Variants in CCDC192 observed in about 807,000 individuals in gnomAD.
The protein encoded by CCDC192 is coiled-coil domain-containing protein 192.
chr5:127,762,795 G>T (rs1188757170), intron 3 of CCDC192, among the ~76,000 whole-genome samples: 1 of 152,094 alleles, frequency 6.6e-6, no homozygotes, highest in Non-Finnish European at 1.5e-5. Flanking sequence ...CCTGTATTTT[G>T]TTCATGAGAT....
chr5:127,811,450 GA>G (rs1758077935), intron 5 of CCDC192, among the ~76,000 whole-genome samples: 2 of 152,224 alleles, frequency 1.3e-5, no homozygotes, highest in South Asian at 4.1e-4. Flanking sequence ...AAACTTAAGG[GA>G]TTTTTTTTAG....
chr5:127,814,423 C>A (rs1318974877), intron 5 of CCDC192, among the ~76,000 whole-genome samples: 1 of 151,936 alleles, frequency 6.6e-6, no homozygotes, highest in Non-Finnish European at 1.5e-5. Context: ...AGGAGGTAAC[C>A]AAAGTAACCA....
chr5:127,782,854 G>T (rs575914779), intron 3 of CCDC192, among the ~76,000 whole-genome samples: 4 of 152,006 alleles, frequency 2.6e-5, no homozygotes, highest in African/African-American at 9.6e-5. Flanking sequence ...TGCTGGGTTT[G>T]GGTTTAATTT....
intron 5 of CCDC192, among the ~76,000 whole-genome samples, chr5:127,867,323 A>G (rs1317207778): frequency 4.6e-5 from 7 of 152,236 alleles, no homozygotes; most frequent in African/African-American, 1.7e-4. Context: ...AAAGCAAAGT[A>G]TCTGACCGAT....
chr5:127,786,632 G>A, intron 3 of CCDC192: 1 of 758,776 alleles, frequency 1.3e-6, no homozygotes, highest in Non-Finnish European at 2.5e-6. Context: ...GTCTACTGAG[G>A]TAGGCACAAA....
intron 6 of CCDC192, among the ~76,000 whole-genome samples, chr5:127,899,162 GT>G (rs1752973871): frequency 6.6e-6 from 1 of 152,126 alleles, no homozygotes; most frequent in Non-Finnish European, 1.5e-5. Flanking sequence ...TCTGTTTTGC[GT>G]TTTTGGGGGG....
chr5:127,744,263 G>T (rs1246990992), intron 2 of CCDC192, among the ~76,000 whole-genome samples: 1 of 151,902 alleles, frequency 6.6e-6, no homozygotes, highest in Non-Finnish European at 1.5e-5. Context: ...TGGGTGGTAG[G>T]TTGGGGAGAA....
At chr5:127,929,414 G>A (rs1354268652) in intron 6 of CCDC192, among the ~76,000 whole-genome samples, 2 of 152,160 alleles carry the variant, frequency 1.3e-5, no homozygotes, top group Non-Finnish European at 2.9e-5. Flanking sequence ...GAAAATGAGG[G>A]ATGGGGTGAA....
At chr5:127,717,928 C>CAAAAAAAAAAAAAAAAAAAAAAAAAAA in intron 2 of CCDC192, among the ~76,000 whole-genome samples, 1 of 98,072 alleles carries the variant, frequency 1.0e-5, no homozygotes, top group Non-Finnish European at 2.0e-5. Flanking sequence ...TAAAGCTAGA[C>CAAAAAAAAAAAAAAAAAAAAAAAAAAA]AAAAAAAAAA....
intron 3 of CCDC192, chr5:127,786,532 TGGCC>T (rs1756548394): frequency 3.1e-6 from 2 of 640,856 alleles, no homozygotes; most frequent in Admixed American, 4.6e-5. Flanking sequence ...GTTTATTCAG[TGGCC>T]TAAATGGTCT....
At chr5:127,878,930 T>C (rs887961848) in intron 6 of CCDC192, among the ~76,000 whole-genome samples, 11 of 149,446 alleles carry the variant, frequency 7.4e-5, no homozygotes, top group African/African-American at 2.7e-4. Context: ...ACATCCCTTG[T>C]AAGTAGGATT....
intron 5 of CCDC192, chr5:127,838,553 T>A (rs1750136985): frequency 6.6e-6 from 1 of 152,160 alleles, no homozygotes; most frequent in South Asian, 2.1e-4. Flanking sequence ...GGTGGATGGG[T>A]TGTCAAGAAT....
At chr5:127,759,637 CA>C (rs569995522) in intron 3 of CCDC192, among the ~76,000 whole-genome samples, 25 of 152,334 alleles carry the variant, frequency 1.6e-4, no homozygotes, top group African/African-American at 6.0e-4. Context: ...AGTAGGTTCT[CA>C]AAAACATCTG....
At chr5:127,743,018 G>A (rs1753510456) in intron 2 of CCDC192, among the ~76,000 whole-genome samples, 2 of 151,930 alleles carry the variant, frequency 1.3e-5, no homozygotes, top group African/African-American at 4.8e-5. Context: ...TCTTTTCAGG[G>A]AACGCTGATC....
intron 6 of CCDC192, among the ~76,000 whole-genome samples, chr5:127,898,750 G>A (rs1269275863): frequency 6.6e-6 from 1 of 152,128 alleles, no homozygotes; most frequent in Non-Finnish European, 1.5e-5. Flanking sequence ...GTCCTTCAGT[G>A]AAGGGTGGGG....
intron 3 of CCDC192, chr5:127,786,035 GT>G: frequency 7.9e-6 from 5 of 631,502 alleles, no homozygotes; most frequent in Non-Finnish European, 1.5e-5. Context: ...GTCTCCAGCA[GT>G]TTTTTCAATT....
rs1325548148 is a variant in CCDC192, at chr5:127,941,493, G to A, written c.*25G>A. 2.5e-6 allele frequency: 1 copy of A among 398,856 alleles called. No homozygotes were observed. The highest frequency in any genetic ancestry group is 4.4e-6 in the Non-Finnish European group (1 of 226,046). The allele number at this position is 398,856 out of a possible 1,614,324, so 24.7% of individuals were successfully genotyped here. On this transcript the variant is annotated 3_prime_UTR_variant, in exon 7 of 7. Coordinates refer to ENST00000514853, the MANE Select transcript of CCDC192 (RefSeq NM_001317938.2). ...GATTCCCAATAAGAAAACAATAAAA[G>A]TTTATTAAGTGTCATCCAGGTAAAG...
intron 5 of CCDC192, among the ~76,000 whole-genome samples, chr5:127,875,061 G>A (rs1420599444): frequency 6.6e-6 from 1 of 152,072 alleles, no homozygotes; most frequent in Non-Finnish European, 1.5e-5. Flanking sequence ...GAAAACACCA[G>A]CGTTTGGTGG....
chr5:127,781,298 A>G (rs1054927980), intron 3 of CCDC192, among the ~76,000 whole-genome samples: 1 of 152,026 alleles, frequency 6.6e-6, no homozygotes, highest in Admixed American at 6.6e-5. Flanking sequence ...GTTTAGTCTT[A>G]TTTTGGATAT....
Sources: allele counts gnomAD v4.1 joint callset (sites outside exome capture counted in the v4.1 genomes callset), GRCh38; gene constraint gnomAD v4.1.1; transcripts MANE v1.5; gene names NCBI Gene and HGNC (gene_info 2026-07-23, HGNC 2026-07-21).